Variants in ARHGEF1 observed in about 807,000 individuals in gnomAD.
ARHGEF1 encodes the protein 115 kDa guanine nucleotide exchange factor.
ARHGEF1 carries 40 observed loss-of-function variants against 119.7 expected under a neutral mutation model. That is an observed-to-expected ratio of 0.33 (90% CI 0.26 to 0.44). The LOEUF (loss-of-function observed/expected upper bound fraction) is 0.44, where lower values mean the gene tolerates loss of function less well. ARHGEF1 is among the 20% of genes least tolerant of loss of function. ARHGEF1 has a pLI of 1.00. For missense variants in ARHGEF1, 976 were observed against 1,268.3 expected, an observed-to-expected ratio of 0.77 and a Z score of 3.50; for synonymous variants, 494 against 521.0, an observed-to-expected ratio of 0.95 and a Z score of 0.71.
Position 41,892,553 on chromosome 19 carries a change from G to A in ARHGEF1, c.368-50G>A. Reference sequence around the variant, plus strand: ...AGTCCAAGGGTGGGTGGGGACCGTGGTCCAAGCCACCAGGGAGCTGGACCC... The same window carrying A: ...AGTCCAAGGGTGGGTGGGGACCGTGATCCAAGCCACCAGGGAGCTGGACCC... On this transcript the variant is annotated intron_variant, in intron 6 of 28. Transcript: ENST00000354532. This position sits in a 1 kb window ranked among gnomAD's most constrained non-coding sequence, Gnocchi z 6.3. 2 of 1,565,470 alleles carry A rather than the reference G, an allele frequency of 1.3e-6. No homozygotes were observed. The highest frequency in any genetic ancestry group is 1.7e-6 in the Non-Finnish European group (2 of 1,151,346).
Position 41,905,184 on chromosome 19 carries a change from T to C in ARHGEF1, c.2259T>C (p.Ala753=), listed in dbSNP as rs41307033. Residue 753 remains alanine (A), a synonymous_variant, in exon 24 of 29, where the codon GCT becomes GCC. Coordinates refer to ENST00000354532, the MANE Select transcript of ARHGEF1 (RefSeq NM_004706.4). This position sits in a 1 kb window ranked among gnomAD's most constrained non-coding sequence, Gnocchi z 6.4. The part of the protein sequence containing the change: ...QTVSERKNWC[A]LITETAGSLK... ...TGGCCTTTCTCCCCAGCTGGTGTGC[T>C]CTCATCACTGAGACTGCCGGATCCC... The C allele has an allele frequency of 1.5e-5, 25 of 1,613,856 alleles. No homozygotes were observed. In the African/African-American group the frequency reaches 2.9e-4, roughly 19 times the overall value.
At position 41,917,121 on chromosome 19, in the gene ARHGEF1, G is replaced by A. The variant is rs113666075; in HGVS notation, c.1866-5971G>A. Among the ~76,000 whole-genome samples, 1,303 of 152,170 alleles carry A rather than the reference G, an allele frequency of 8.6e-3. 19 individuals carry two copies. The highest frequency in any genetic ancestry group is 0.03 in the African/African-American group (1,244 of 41,488). ...GTCTCTCTCAGCCCCTTCGGGTGTC[G>A]GCGCATCTTTCTGTCTGTCTCTGTC... On this transcript the variant is annotated intron_variant, in intron 18 of 20. Coordinates refer to the ARHGEF1 transcript ENST00000599589. This position sits in a 1 kb window ranked among gnomAD's most constrained non-coding sequence, Gnocchi z 4.8.
rs1441389590 is a variant in ARHGEF1 at position 41,905,376 on chromosome 19, C to T, written c.2336+115C>T. 2.3e-6 allele frequency: 2 copies of T among 878,970 alleles called. No homozygotes were observed. The highest frequency in any genetic ancestry group is 5.0e-5 in the East Asian group (2 of 39,722). 54.4% of individuals were successfully genotyped at this position (878,970 alleles called of 1,614,324 possible). A position where few individuals can be genotyped will look rare whatever the true frequency, so the allele number is the denominator to read the frequency against. The stretch of plus-strand genomic sequence containing the variant: ...GTGTGAGCATGCACATGTGTGAATG[C>T]ATGTGTGTGCATACATGTGTGTCTG... On this transcript the variant is annotated intron_variant, in intron 24 of 28. Coordinates refer to ENST00000354532, the MANE Select transcript of ARHGEF1 (RefSeq NM_004706.4). The surrounding 1 kb of genome is among the most constrained non-coding windows in gnomAD (Gnocchi z 6.4).
At chr19:41,918,477 A>G (rs186922563), upstream of ARHGEF1, among the ~76,000 whole-genome samples, 1 of 147,456 alleles carries the variant, frequency 6.8e-6, no homozygotes, top group East Asian at 2.0e-4. Flanking sequence ...CCACACACGC[A>G]CCACGCACAC....
At chr19:41,884,477 C>A in intron 1 of ARHGEF1, 1 of 1,607,716 alleles carries the variant, frequency 6.2e-7, no homozygotes. Flanking sequence ...GATGGCTTCT[C>A]TTTCCACCTG....
Position 41,906,174 on chromosome 19 carries a change from TG to T in ARHGEF1, c.2491+152del. ...ACCCACCCAGCCTGCACCACTGTCC[TG>T]GGTGCCCACGTCCCTCTTCTGCAGC... On this transcript the variant is annotated intron_variant, in intron 26 of 28. Coordinates refer to ENST00000354532, the MANE Select transcript of ARHGEF1 (RefSeq NM_004706.4). The surrounding 1 kb of genome is among the most constrained non-coding windows in gnomAD (Gnocchi z 4.5). 1.3e-6 allele frequency: 1 copy of T among 759,818 alleles called. No homozygotes were observed. The highest frequency in any genetic ancestry group is 1.7e-5 in the South Asian group (1 of 58,148). The allele number at this position is 759,818 out of a possible 1,614,324, so 47.1% of individuals were successfully genotyped here.
chr19:41,914,050 C>A (rs1213858183), intron 18 of ARHGEF1, among the ~76,000 whole-genome samples: 5 of 138,856 alleles, frequency 3.6e-5, no homozygotes, highest in African/African-American at 1.4e-4. Context: ...CCTGGCAGCC[C>A]ACACTGTGTT....
intron 1 of ARHGEF1, among the ~76,000 whole-genome samples, chr19:41,927,109 G>T (rs2074876307): frequency 6.6e-6 from 1 of 152,022 alleles, no homozygotes; most frequent in Non-Finnish European, 1.5e-5. Context: ...GACAGAGATA[G>T]AGAGACAGAT....
chr19:41,888,734 C>G lies in ARHGEF1; in HGVS notation c.112-18C>G. On this transcript the variant is annotated intron_variant, in intron 3 of 28. Transcript: ENST00000354532. This position sits in a 1 kb window ranked among gnomAD's most constrained non-coding sequence, Gnocchi z 5.1. ...CTCCTCTTCTCCCCATTGTACTCACCCCTTCCTGCACCCCCAGAACTCAGA... is the reference window on the plus strand; with the variant it reads ...CTCCTCTTCTCCCCATTGTACTCACGCCTTCCTGCACCCCCAGAACTCAGA... 6.2e-7 allele frequency: 1 copy of G among 1,611,476 alleles called. No individual in the cohort carries two copies. The highest frequency in any genetic ancestry group is 1.7e-4 in the Middle Eastern group (1 of 6,056).
Position 41,898,595 on chromosome 19 carries a change from C to T in ARHGEF1, c.1267+8C>T, listed in dbSNP as rs1555848472. 6.3e-7 allele frequency: 1 copy of T among 1,583,396 alleles called. No homozygotes were observed. Among genetic ancestry groups the T allele is most frequent in the Admixed American group, 1.8e-5 (1 of 56,192 alleles). On this transcript the variant is annotated splice_region_variant and intron_variant, in intron 14 of 28. Transcript: ENST00000354532. ...GGCAGGAGGTCATCAGCGGTGAGTA[C>T]TGCCCCCATCACCCCACTGTGGCCA...
At chr19:41,923,075 C>T, upstream of ARHGEF1, 1 of 450,378 alleles carries the variant, frequency 2.2e-6, no homozygotes, top group Non-Finnish European at 4.5e-6. Flanking sequence ...CTGACCCAGG[C>T]CTTTTGCTTC....
downstream of ARHGEF1, chr19:41,908,469 G>A (rs377566576): frequency 1.9e-5 from 23 of 1,231,400 alleles, no homozygotes; most frequent in African/African-American, 7.8e-5. The surrounding 1 kb of genome is among the most constrained non-coding windows in gnomAD (Gnocchi z 6.7). Flanking sequence ...CAGCAGGGGC[G>A]TGGCTGTGGG....
In ARHGEF1 at chr19:41,892,347, T is replaced by A; in HGVS notation, c.341T>A (p.Val114Asp). 6.2e-7 allele frequency: 1 copy of A among 1,613,982 alleles called. No individual in the cohort carries two copies. The highest frequency in any genetic ancestry group is 8.5e-7 in the Non-Finnish European group (1 of 1,180,016). The change falls in exon 6 of 29, where the codon GTC becomes GAC. Residue 114 changes from valine to aspartate, a missense_variant. Coordinates refer to ENST00000354532, the MANE Select transcript of ARHGEF1 (RefSeq NM_004706.4). This position sits in a 1 kb window ranked among gnomAD's most constrained non-coding sequence, Gnocchi z 6.3. ...CTTGAGCAGGTTCTCCGGGTGCCGG[T>A]CCCTCCCAACGTCGCCTTTGAACTT... The part of the protein sequence containing the change: ...LEKTAVLRVP[V>D]PPNVAFELDR...
chr19:41,903,879 T>C lies in ARHGEF1; in HGVS notation c.1917+95T>C. ...CCAGCCTGTCCTGCCCATCCCATAATACACCCAGGAAGCGAGAGCTCTGTC... is the reference window on the plus strand; with the variant it reads ...CCAGCCTGTCCTGCCCATCCCATAACACACCCAGGAAGCGAGAGCTCTGTC... On this transcript the variant is annotated intron_variant, in intron 20 of 28. Transcript: ENST00000354532. The surrounding 1 kb of genome is among the most constrained non-coding windows in gnomAD (Gnocchi z 4.2). The C allele has an allele frequency of 7.0e-7, 1 of 1,421,084 alleles. No individual in the cohort carries two copies. The highest frequency in any genetic ancestry group is 9.9e-7 in the Non-Finnish European group (1 of 1,014,736). 88.0% of individuals were successfully genotyped at this position (1,421,084 alleles called of 1,614,324 possible).
chr19:41,915,806 A>G (rs557929211), intron 18 of ARHGEF1, among the ~76,000 whole-genome samples: 112 of 152,030 alleles, frequency 7.4e-4, no homozygotes, highest in African/African-American at 2.5e-3. Flanking sequence ...TGATCGACTG[A>G]TGGAGGGAGC....
chr19:41,905,837 G>C lies in ARHGEF1; in HGVS notation c.2404+10G>C. The C allele has an allele frequency of 1.9e-6, 3 of 1,614,180 alleles. No homozygotes were observed. Among genetic ancestry groups the C allele is most frequent in the South Asian group, 1.1e-5 (1 of 91,082 alleles). ...ACGTCTCCAGCTGATGGTGAGACCA[G>C]AGGGATGCTGGGTGAGGGGCCAGGT... is the stretch of plus-strand genomic sequence containing the variant. On this transcript the variant is annotated intron_variant, in intron 25 of 28. Transcript: ENST00000354532. The surrounding 1 kb of genome is among the most constrained non-coding windows in gnomAD (Gnocchi z 6.4).
downstream of ARHGEF1, chr19:41,909,039 C>T (rs1243594729): frequency 8.2e-7 from 1 of 1,215,734 alleles, no homozygotes; most frequent in Non-Finnish European, 1.0e-6. This position sits in a 1 kb window ranked among gnomAD's most constrained non-coding sequence, Gnocchi z 5.2. Flanking sequence ...CCCCAGCACC[C>T]CAGAACCTCC....
chr19:41,895,891 C>T (rs571154457), intron 12 of ARHGEF1, among the ~76,000 whole-genome samples: 1 of 152,252 alleles, frequency 6.6e-6, no homozygotes, highest in East Asian at 1.9e-4. Context: ...GGCCTCAGGC[C>T]CTTGGATCTC....
chr19:41,903,526 A>AAT lies in ARHGEF1; in HGVS notation c.1839+119_1839+120insAT. The AAT allele has an allele frequency of 1.2e-6, 1 of 805,488 alleles. No individual in the cohort carries two copies. The highest frequency in any genetic ancestry group is 1.6e-5 in the South Asian group (1 of 62,108). 49.9% of individuals were successfully genotyped at this position (805,488 alleles called of 1,614,324 possible). ...CCTTGGCTTGTCTCCCTCAAGGGTC[A>AAT]CTGTGTCCAGGGGTTGGCTTGGCCC... On this transcript the variant is annotated intron_variant, in intron 19 of 28. Coordinates refer to ENST00000354532, the MANE Select transcript of ARHGEF1 (RefSeq NM_004706.4). The surrounding 1 kb of genome is among the most constrained non-coding windows in gnomAD (Gnocchi z 4.2).
Sources: gnomAD v4.1 joint callset for allele counts (sites outside exome capture counted in the v4.1 genomes callset) on GRCh38, gnomAD v4.1.1 for gene constraint, Gnocchi (gnomAD v3.1) non-coding constraint, MANE v1.5 for transcripts, NCBI Gene and HGNC (gene_info 2026-07-23, HGNC 2026-07-21) for gene names.